GSE1: variants seen among roughly 807,000 people sequenced by gnomAD.
GSE1 encodes the protein Gse1 coiled-coil protein, also known as genetic suppressor element 1.
A neutral mutation model predicts 112.6 loss-of-function variants in GSE1; 32 were observed. That is an observed-to-expected ratio of 0.28 (90% CI 0.21 to 0.38). The LOEUF is 0.38. Ranked by LOEUF, GSE1 falls within the 10% of genes least tolerant of loss-of-function variation. The pLI is 1.00. For missense variants in GSE1, 2,348 were observed against 1,699.2 expected, an observed-to-expected ratio of 1.38 and a Z score of -6.71; for synonymous variants, 1,115 against 735.6, an observed-to-expected ratio of 1.52 and a Z score of -8.35.
chr16:85,548,553 CGT>C (rs1659844803), intron 2 of GSE1, among the ~76,000 whole-genome samples: 1 of 152,140 alleles, frequency 6.6e-6, no homozygotes, highest in African/African-American at 2.4e-5. Flanking sequence ...CAATTCCACA[CGT>C]GTTGCTGCAA....
chr16:85,355,566 G>A (rs2046935065), intron 1 of GSE1, among the ~76,000 whole-genome samples: 2 of 152,228 alleles, frequency 1.3e-5, no homozygotes, highest in South Asian at 4.1e-4. Context: ...GGAGCAGGGA[G>A]CCTTTTAATG....
At chr16:85,556,991 TTC>T (rs2045261201) in intron 1 of GSE1, among the ~76,000 whole-genome samples, 1 of 152,058 alleles carries the variant, frequency 6.6e-6, no homozygotes, top group African/African-American at 2.4e-5. Context: ...CCCTGTAACT[TTC>T]TGTTTCGGGG....
exon 1 of GSE1, chr16:85,170,781 C>T: frequency 1.0e-6 from 1 of 985,576 alleles, no homozygotes; most frequent in Non-Finnish European, 1.2e-6. Flanking sequence ...GCGGCAGTAC[C>T]TTGGTGTGCG....
intron 2 of GSE1, among the ~76,000 whole-genome samples, chr16:85,423,598 G>T (rs2048901057): frequency 6.6e-6 from 1 of 152,132 alleles, no homozygotes; most frequent in South Asian, 2.1e-4. Context: ...AGAGGAGTTA[G>T]GGGGCTGTAG....
intron 1 of GSE1, among the ~76,000 whole-genome samples, chr16:85,613,930 G>A (rs1256332117): frequency 7.1e-6 from 1 of 141,582 alleles, no homozygotes; most frequent in Non-Finnish European, 1.6e-5. Flanking sequence ...CCCCCTCCCC[G>A]ACCCCTTGTC....
chr16:85,608,964 C>A (rs2047840029), upstream of GSE1, among the ~76,000 whole-genome samples: 1 of 152,222 alleles, frequency 6.6e-6, no homozygotes, highest in Non-Finnish European at 1.5e-5. Flanking sequence ...TGCTGTCCTG[C>A]TGAGCCCTAG....
intron 1 of GSE1, among the ~76,000 whole-genome samples, chr16:85,630,222 G>A (rs560178073): frequency 1.3e-5 from 2 of 152,338 alleles, no homozygotes; most frequent in South Asian, 4.1e-4. Flanking sequence ...ATCTTACCTT[G>A]GCAGCTGCAG....
chr16:85,403,079 T>G (rs953682953), intron 2 of GSE1, among the ~76,000 whole-genome samples: 1 of 79,586 alleles, frequency 1.3e-5, no homozygotes, highest in South Asian at 6.3e-4. Flanking sequence ...CCAAGCCCTC[T>G]CCCATGGTTG....
At chr16:85,615,436 C>T (rs535860308) in intron 1 of GSE1, among the ~76,000 whole-genome samples, 7 of 152,252 alleles carry the variant, frequency 4.6e-5, no homozygotes, top group South Asian at 4.1e-4. Flanking sequence ...TGGCTTTTGT[C>T]ACTCTGGCAG....
intron 2 of GSE1, among the ~76,000 whole-genome samples, chr16:85,429,912 G>A (rs1221462925): frequency 6.6e-6 from 1 of 152,256 alleles, no homozygotes; most frequent in Non-Finnish European, 1.5e-5. Flanking sequence ...TGAGCTGTCA[G>A]CTCCACCAGT....
chr16:85,350,173 G>A (rs577071727), intron 1 of GSE1, among the ~76,000 whole-genome samples: 4 of 152,322 alleles, frequency 2.6e-5, no homozygotes, highest in Admixed American at 2.6e-4. Context: ...AAGTAAGGCA[G>A]GGGTTACTAG....
At chr16:85,421,821 C>G (rs2048851626) in intron 2 of GSE1, among the ~76,000 whole-genome samples, 2 of 151,980 alleles carry the variant, frequency 1.3e-5, no homozygotes, top group Non-Finnish European at 2.9e-5. Flanking sequence ...TGTTTCCATG[C>G]TTGTATTTTT....
At chr16:85,290,726 G>C (rs1353364163) in intron 1 of GSE1, among the ~76,000 whole-genome samples, 1 of 152,028 alleles carries the variant, frequency 6.6e-6, no homozygotes, top group Admixed American at 6.6e-5. Flanking sequence ...CACAAAGATA[G>C]GAGATGGCCA....
chr16:85,421,430 C>T (rs2048843482), intron 2 of GSE1, among the ~76,000 whole-genome samples: 1 of 152,170 alleles, frequency 6.6e-6, no homozygotes, highest in Non-Finnish European at 1.5e-5. Context: ...TCCACCGCCT[C>T]ATTCAACCAG....
chr16:85,453,562 T>G (rs1323387273), intron 2 of GSE1, among the ~76,000 whole-genome samples: 9 of 152,024 alleles, frequency 5.9e-5, no homozygotes, highest in Admixed American at 5.9e-4. Flanking sequence ...ACCCTGGGGC[T>G]GGGTGTGGCT....
At position 85,291,456 on chromosome 16, in the gene GSE1, G is replaced by A. The variant is rs570975277; in HGVS notation, c.2284-66007G>A. ...ACCTGCTACCACCCTCGGAGGGGACGCCGCCCTCCCCAGCCTCCTCCCCCG... is the reference window on the plus strand; with the variant it reads ...ACCTGCTACCACCCTCGGAGGGGACACCGCCCTCCCCAGCCTCCTCCCCCG... On this transcript the variant is annotated intron_variant, in intron 1 of 2. Coordinates refer to the GSE1 transcript ENST00000637419. Among the ~76,000 whole-genome samples the A allele has an allele frequency of 1.2e-3, 181 of 152,276 alleles. 1 individual carries two copies. Among genetic ancestry groups the A allele is most frequent in the African/African-American group, 4.1e-3 (169 of 41,558 alleles).
chr16:85,490,229 C>G (rs1050784771), intron 2 of GSE1: 9 of 152,204 alleles, frequency 5.9e-5, no homozygotes, highest in African/African-American at 1.9e-4. Flanking sequence ...TTTCTGTGTT[C>G]CCTGGAGGAG....
At chr16:85,328,896 C>G (rs1018327501) in intron 1 of GSE1, among the ~76,000 whole-genome samples, 5 of 152,192 alleles carry the variant, frequency 3.3e-5, no homozygotes, top group African/African-American at 1.2e-4. Flanking sequence ...CCCCTGCCAC[C>G]CCTGCCCCCG....
At chr16:85,237,528 C>T (rs2143897119) in intron 1 of GSE1, among the ~76,000 whole-genome samples, 1 of 151,862 alleles carries the variant, frequency 6.6e-6, no homozygotes, top group African/African-American at 2.4e-5. Context: ...CCGTAAGGTA[C>T]TGGGGAGCCA....
Sources: allele counts gnomAD v4.1 joint callset (sites outside exome capture counted in the v4.1 genomes callset), GRCh38; gene constraint gnomAD v4.1.1; transcripts MANE v1.5; gene names NCBI Gene and HGNC (gene_info 2026-07-23, HGNC 2026-07-21).